SV2C: variants seen among roughly 807,000 people sequenced by gnomAD.
SV2C encodes the protein synaptic vesicle glycoprotein 2C.
SV2C carries 49 observed loss-of-function variants against 79.7 expected under a neutral mutation model. The observed-to-expected ratio is 0.61, with a 90% CI of 0.49 to 0.78. The LOEUF is 0.78. SV2C is among the 30% of genes least tolerant of loss of function. SV2C has a pLI of 0.00. For synonymous variants in SV2C, 334 were observed against 333.2 expected (o/e 1.00, Z -0.03); for missense variants, 833 against 912.9 (o/e 0.91, Z 1.13).
At chr5:75,930,681 C>T in the SV2C span, among the ~76,000 whole-genome samples, 2 of 152,170 alleles carry the variant, frequency 1.3e-5, no homozygotes, top group East Asian at 1.9e-4. Context: ...TGGACGTGAG[C>T]ACTGTCCTAA....
intron 8 of SV2C, among the ~76,000 whole-genome samples, chr5:76,293,446 A>C (rs1747627801): frequency 6.6e-6 from 1 of 152,180 alleles, no homozygotes; most frequent in Non-Finnish European, 1.5e-5. Flanking sequence ...AATAGTGCCT[A>C]GTATTTAGTG....
chr5:76,028,828 C>G, the SV2C span, among the ~76,000 whole-genome samples: 1 of 152,180 alleles, frequency 6.6e-6, no homozygotes. Flanking sequence ...CATCTTTGCT[C>G]TCAGTTGTGA....
intron 12 of SV2C, among the ~76,000 whole-genome samples, chr5:76,323,748 GA>G (rs1309618266): frequency 6.6e-6 from 1 of 152,226 alleles, no homozygotes. Flanking sequence ...GGACATGGAT[GA>G]AGCTAGAAGC....
At chr5:76,202,234 C>A (rs1040204007) in intron 3 of SV2C, among the ~76,000 whole-genome samples, 4 of 152,238 alleles carry the variant, frequency 2.6e-5, no homozygotes, top group African/African-American at 9.6e-5. Flanking sequence ...TTATCAAACA[C>A]CTCTATAGTG....
the SV2C span, among the ~76,000 whole-genome samples, chr5:76,052,458 T>C: frequency 4.6e-5 from 7 of 152,214 alleles, no homozygotes; most frequent in Non-Finnish European, 8.8e-5. Context: ...GGCTGACTTC[T>C]ATGGAATGAT....
At chr5:76,046,393 T>C in the SV2C span, among the ~76,000 whole-genome samples, 1 of 152,166 alleles carries the variant, frequency 6.6e-6, no homozygotes, top group South Asian at 2.1e-4. Flanking sequence ...GAACGCTTCA[T>C]GGAAGAGGTG....
intron 4 of SV2C, among the ~76,000 whole-genome samples, chr5:76,236,377 G>A (rs59158372): frequency 0.83 from 126,686 of 151,962 alleles, 53,233 homozygotes; most frequent in African/African-American, 0.94. Context: ...AGCCTGGTCA[G>A]CATGGTGAAA....
upstream of SV2C, chr5:76,082,389 G>C (rs1332231214): frequency 6.6e-6 from 1 of 152,200 alleles, no homozygotes; most frequent in Non-Finnish European, 1.5e-5. Flanking sequence ...AGCTCGAGTT[G>C]GGGTCTCCTG....
chr5:76,309,043 C>T (rs536768824), intron 12 of SV2C, among the ~76,000 whole-genome samples: 7 of 151,560 alleles, frequency 4.6e-5, no homozygotes, highest in South Asian at 4.2e-4. Context: ...GAAAGAAGTT[C>T]CATTTAATTG....
At chr5:76,045,746 A>G in the SV2C span, among the ~76,000 whole-genome samples, 1 of 152,184 alleles carries the variant, frequency 6.6e-6, no homozygotes, top group Non-Finnish European at 1.5e-5. Context: ...AGGTATGAGT[A>G]TAAATAGCGT....
At chr5:75,885,896 G>A in the SV2C span, among the ~76,000 whole-genome samples, 2 of 152,112 alleles carry the variant, frequency 1.3e-5, no homozygotes, top group Non-Finnish European at 2.9e-5. Context: ...ACACCATTGT[G>A]GCAATGAGGA....
chr5:75,964,426 T>C, the SV2C span, among the ~76,000 whole-genome samples: 7 of 152,308 alleles, frequency 4.6e-5, no homozygotes, highest in South Asian at 6.2e-4. Context: ...TTGCCTGATA[T>C]AGTGGGGGCT....
chr5:76,237,457 C>T (rs1037412115), intron 4 of SV2C, among the ~76,000 whole-genome samples: 1 of 152,086 alleles, frequency 6.6e-6, no homozygotes, highest in Non-Finnish European at 1.5e-5. Context: ...TTGGTCCTTC[C>T]GTTTCTTAGG....
chr5:76,353,729 G>A (rs1267085116), exon 13 of SV2C: 2 of 152,134 alleles, frequency 1.3e-5, no homozygotes, highest in African/African-American at 4.8e-5. Context: ...AGGTGATTAA[G>A]TGGCTTTTCC....
intron 4 of SV2C, among the ~76,000 whole-genome samples, chr5:76,247,846 T>G (rs1745989832): frequency 6.6e-6 from 1 of 152,176 alleles, no homozygotes; most frequent in South Asian, 2.1e-4. Context: ...TTTGACAATA[T>G]AAGATTACAT....
intron 1 of SV2C, among the ~76,000 whole-genome samples, chr5:76,101,041 G>A (rs890199906): frequency 1.3e-5 from 2 of 152,140 alleles, no homozygotes; most frequent in South Asian, 2.1e-4. Flanking sequence ...TCCCTAAAGT[G>A]CAGTAAGTTT....
intron 12 of SV2C, among the ~76,000 whole-genome samples, chr5:76,314,193 GAATT>G (rs1332589410): frequency 1.3e-5 from 2 of 152,188 alleles, no homozygotes; most frequent in Non-Finnish European, 2.9e-5. Flanking sequence ...ATGCATTTGA[GAATT>G]AATTTGGCTA....
rs543262329 is a variant in SV2C at position 76,121,709 on chromosome 5, C to T, written c.-101-9941C>T. The stretch of plus-strand genomic sequence containing the variant: ...TGCGGCGTTATTTCTGAGGGCTCTG[C>T]TCTGTTCCATTGATCTATATCTCTG... On this transcript the variant is annotated intron_variant, in intron 1 of 12. Coordinates refer to ENST00000502798, the MANE Select transcript of SV2C (RefSeq NM_014979.4). Among the ~76,000 whole-genome samples, 364 of 151,966 alleles carry T rather than the reference C, an allele frequency of 2.4e-3. 2 individuals carry two copies. Among genetic ancestry groups the T allele is most frequent in the Admixed American group, 0.015 (233 of 15,240 alleles).
the SV2C span, among the ~76,000 whole-genome samples, chr5:75,948,277 G>T: frequency 3.0e-4 from 46 of 152,146 alleles, no homozygotes; most frequent in East Asian, 4.9e-3. Context: ...ATGTGGTTTT[G>T]TAGATACACA....
Sources: allele counts gnomAD v4.1 joint callset (sites outside exome capture counted in the v4.1 genomes callset), GRCh38; gene constraint gnomAD v4.1.1; transcripts MANE v1.5; gene names NCBI Gene and HGNC (gene_info 2026-07-23, HGNC 2026-07-21).